MAPK4: variants seen among roughly 807,000 people sequenced by gnomAD.
MAPK4 encodes mitogen-activated protein kinase 4.
MAPK4 carries 22 observed loss-of-function variants against 47.7 expected under a neutral mutation model. The ratio of observed to expected loss-of-function variants is 0.46; its 90% confidence interval spans 0.33 to 0.66. The LOEUF (loss-of-function observed/expected upper bound fraction) is 0.66. Ranked by LOEUF, MAPK4 falls within the 30% of genes least tolerant of loss-of-function variation. The pLI, the probability that MAPK4 is intolerant of heterozygous loss-of-function variation, is 0.02. For synonymous variants in MAPK4, 390 were observed against 365.7 expected (o/e 1.07, Z -0.76); for missense variants, 736 against 831.7 (o/e 0.88, Z 1.42).
chr18:50,708,426 T>G (rs1383478702), intron 2 of MAPK4, among the ~76,000 whole-genome samples: 1 of 152,180 alleles, frequency 6.6e-6, no homozygotes, highest in East Asian at 1.9e-4. Flanking sequence ...AATCATAATT[T>G]CTTAGGGCAG....
At chr18:50,699,998 G>C (rs1242870508) in intron 2 of MAPK4, among the ~76,000 whole-genome samples, 1 of 152,158 alleles carries the variant, frequency 6.6e-6, no homozygotes, top group Non-Finnish European at 1.5e-5. Flanking sequence ...AGTGCCCAGA[G>C]TTTTTTGGGG....
chr18:50,572,508 AT>A (rs1414484543), intron 1 of MAPK4, among the ~76,000 whole-genome samples: 1 of 152,070 alleles, frequency 6.6e-6, no homozygotes, highest in Non-Finnish European at 1.5e-5. Flanking sequence ...ACCTGCTGTC[AT>A]TTTTCAAAAG....
At chr18:50,615,260 C>T (rs986415394) in intron 1 of MAPK4, among the ~76,000 whole-genome samples, 4 of 152,124 alleles carry the variant, frequency 2.6e-5, no homozygotes, top group Non-Finnish European at 4.4e-5. Context: ...CCTCTTCTGT[C>T]TAAGTTGTGG....
chr18:50,674,491 A>C (rs1908148407), intron 2 of MAPK4, among the ~76,000 whole-genome samples: 1 of 152,164 alleles, frequency 6.6e-6, no homozygotes, highest in East Asian at 1.9e-4. Context: ...ACCAGCCCTT[A>C]TCCTCGCCTC....
At chr18:50,707,724 G>A (rs1910136244) in intron 2 of MAPK4, among the ~76,000 whole-genome samples, 1 of 152,082 alleles carries the variant, frequency 6.6e-6, no homozygotes, top group Non-Finnish European at 1.5e-5. Flanking sequence ...ATTTTTTATG[G>A]CAATTTTATT....
At chr18:50,676,050 A>G (rs893959361) in intron 2 of MAPK4, among the ~76,000 whole-genome samples, 1 of 152,222 alleles carries the variant, frequency 6.6e-6, no homozygotes, top group Non-Finnish European at 1.5e-5. Context: ...GCCAGGTTGC[A>G]CTGTTGGCTC....
intron 2 of MAPK4, among the ~76,000 whole-genome samples, chr18:50,672,911 C>T (rs1908037731): frequency 6.6e-6 from 1 of 152,202 alleles, no homozygotes; most frequent in South Asian, 2.1e-4. Context: ...GTGCTGCTTC[C>T]CTCATATCAA....
At chr18:50,726,429 T>C (rs945798911) in intron 5 of MAPK4, among the ~76,000 whole-genome samples, 10 of 152,142 alleles carry the variant, frequency 6.6e-5, no homozygotes, top group African/African-American at 2.4e-4. Flanking sequence ...CTACTGAACA[T>C]GGGGTTCAAT....
At chr18:50,562,440 ACCT>A (rs2042162037) in intron 1 of MAPK4, among the ~76,000 whole-genome samples, 1 of 145,886 alleles carries the variant, frequency 6.9e-6, no homozygotes, top group Non-Finnish European at 1.5e-5. Flanking sequence ...AAAAAAAGAC[ACCT>A]CCTAAACAAG....
chr18:50,574,814 A>G (rs750283468), intron 1 of MAPK4, among the ~76,000 whole-genome samples: 1 of 152,232 alleles, frequency 6.6e-6, no homozygotes, highest in African/African-American at 2.4e-5. Flanking sequence ...CCTTGAGATG[A>G]TAAGTATCCA....
intron 1 of MAPK4, among the ~76,000 whole-genome samples, chr18:50,661,069 T>G (rs1034860603): frequency 2.6e-5 from 4 of 152,210 alleles, no homozygotes; most frequent in Non-Finnish European, 4.4e-5. Context: ...TGTCATCCCC[T>G]CTGCTTAGGT....
At chr18:50,592,522 AC>A (rs11323036) in intron 1 of MAPK4, among the ~76,000 whole-genome samples, 151,024 of 151,616 alleles carry the variant, frequency 1, 75,220 homozygotes, top group East Asian at 1. Context: ...ATTAATTACA[AC>A]CCCCCCCGCT....
chr18:50,607,636 G>C (rs758779454), intron 1 of MAPK4, among the ~76,000 whole-genome samples: 8 of 152,172 alleles, frequency 5.3e-5, no homozygotes, highest in Non-Finnish European at 8.8e-5. Flanking sequence ...ACAGTAAGAA[G>C]GCCACGTGGT....
intron 2 of MAPK4, among the ~76,000 whole-genome samples, chr18:50,700,338 G>T (rs1216631151): frequency 3.9e-5 from 6 of 152,192 alleles, no homozygotes; most frequent in Non-Finnish European, 7.3e-5. Context: ...GTATCAGGCA[G>T]TTAGAAGTAA....
At position 50,730,019 on chromosome 18, in the gene MAPK4, A is replaced by G; in HGVS notation, c.*165A>G. ...GAATGTCCATTTCTTAAACTGCCTT[A>G]ATAACTAGCCTTTAACCTGTGGGAG... On this transcript the variant is annotated 3_prime_UTR_variant, in exon 6 of 6. Transcript: ENST00000400384. The G allele has an allele frequency of 1.4e-6, 1 of 698,042 alleles. No homozygotes were observed. The highest frequency in any genetic ancestry group is 2.3e-6 in the Non-Finnish European group (1 of 443,764). The allele number at this position is 698,042 out of a possible 1,614,324, so 43.2% of individuals were successfully genotyped here. A position where few individuals can be genotyped will look rare whatever the true frequency, so the allele number is the denominator to read the frequency against.
chr18:50,658,535 C>T (rs1371812576), intron 1 of MAPK4, among the ~76,000 whole-genome samples: 1 of 152,232 alleles, frequency 6.6e-6, no homozygotes, highest in Non-Finnish European at 1.5e-5. Context: ...AAGCCGTTGG[C>T]CTCTGGTAAA....
At chr18:50,628,184 T>C (rs1041185623) in intron 1 of MAPK4, among the ~76,000 whole-genome samples, 8 of 152,102 alleles carry the variant, frequency 5.3e-5, no homozygotes, top group Admixed American at 3.3e-4. Context: ...GAAGCAAAAA[T>C]AGTGAAAATC....
chr18:50,640,456 CTTTCT>C (rs527624695), intron 1 of MAPK4, among the ~76,000 whole-genome samples: 2 of 149,518 alleles, frequency 1.3e-5, no homozygotes, highest in Admixed American at 6.6e-5. Flanking sequence ...CTTTTTTTAT[CTTTCT>C]TTTCTTTTCT....
chr18:50,620,799 C>G (rs149009624), intron 1 of MAPK4, among the ~76,000 whole-genome samples: 353 of 152,040 alleles, frequency 2.3e-3, no homozygotes, highest in Middle Eastern at 0.01. Flanking sequence ...TTAAAATAAA[C>G]TTGCAGAAAG....
Sources: gnomAD v4.1 joint callset for allele counts (sites outside exome capture counted in the v4.1 genomes callset) on GRCh38, gnomAD v4.1.1 for gene constraint, MANE v1.5 for transcripts, NCBI Gene and HGNC (gene_info 2026-07-23, HGNC 2026-07-21) for gene names.